EPC1: variants seen among roughly 807,000 people sequenced by gnomAD.
EPC1 encodes enhancer of polycomb 1.
EPC1 carries 12 observed loss-of-function variants against 98.4 expected under a neutral mutation model. The observed-to-expected ratio is 0.12, with a 90% CI of 0.08 to 0.20. EPC1 has a LOEUF of 0.20. Among genes scored for constraint, EPC1 ranks in the 10% least tolerant of loss-of-function variants. EPC1 has a pLI of 1.00. For synonymous variants in EPC1, 357 were observed against 363.9 expected, an observed-to-expected ratio of 0.98 and a Z score of 0.21; for missense variants, 729 against 990.5, an observed-to-expected ratio of 0.74 and a Z score of 3.54.
intron 4 of EPC1, 36 bp from the exon 5 acceptor site, chr10:32,292,680 G>T: frequency 6.3e-7 from 1 of 1,578,590 alleles, no homozygotes; most frequent in Non-Finnish European, 8.6e-7. Flanking sequence ...ATGTTAGTAA[G>T]TATTTCTAAC....
chr10:32,338,607 C>T (rs1019586900), intron 1 of EPC1, among the ~76,000 whole-genome samples: 1 of 152,104 alleles, frequency 6.6e-6, no homozygotes, highest in Non-Finnish European at 1.5e-5. Context: ...AGTACAATGG[C>T]CTCCTGTTTC....
chr10:32,351,392 C>A (rs1429841075), upstream of EPC1, among the ~76,000 whole-genome samples: 2 of 152,156 alleles, frequency 1.3e-5, no homozygotes, highest in African/African-American at 4.8e-5. Context: ...TGCGGTGGCT[C>A]ATGCCTGTAA....
At chr10:32,327,698 T>C (rs897723920) in intron 1 of EPC1, among the ~76,000 whole-genome samples, 1 of 152,110 alleles carries the variant, frequency 6.6e-6, no homozygotes, top group African/African-American at 2.4e-5. Flanking sequence ...CTATATGGTA[T>C]AGCTTACAGA....
chr10:32,340,035 G>T (rs1353502483), intron 1 of EPC1, among the ~76,000 whole-genome samples: 1 of 152,154 alleles, frequency 6.6e-6, no homozygotes, highest in African/African-American at 2.4e-5. Context: ...CTCAGGTCAT[G>T]TTTGCCCCTA....
intron 2 of EPC1, among the ~76,000 whole-genome samples, chr10:32,293,980 C>T (rs1254889793): frequency 6.6e-6 from 1 of 152,116 alleles, no homozygotes; most frequent in Non-Finnish European, 1.5e-5. Context: ...ATGCGACACC[C>T]TCCAACCACT....
intron 1 of EPC1, among the ~76,000 whole-genome samples, chr10:32,317,257 A>C (rs1337179424): frequency 6.6e-6 from 1 of 152,244 alleles, no homozygotes; most frequent in Non-Finnish European, 1.5e-5. Flanking sequence ...ATAAATACTT[A>C]TTTAATAAAT....
chr10:32,275,564 A>G (rs1836039512), intron 10 of EPC1, among the ~76,000 whole-genome samples: 1 of 151,604 alleles, frequency 6.6e-6, no homozygotes, highest in African/African-American at 2.4e-5. Flanking sequence ...CAGGAGATTG[A>G]GACCATCCTG....
chr10:32,296,627 G>C (rs751507214), intron 2 of EPC1, among the ~76,000 whole-genome samples: 1 of 151,950 alleles, frequency 6.6e-6, no homozygotes, highest in Non-Finnish European at 1.5e-5. Flanking sequence ...TCTTAAACAG[G>C]GGCCAGGCGT....
chr10:32,329,029 G>A (rs1160443326), intron 1 of EPC1, among the ~76,000 whole-genome samples: 14 of 152,354 alleles, frequency 9.2e-5, no homozygotes, highest in African/African-American at 3.1e-4. Flanking sequence ...TTTTCTCTGT[G>A]AGAAGAAGGG....
upstream of EPC1, among the ~76,000 whole-genome samples, chr10:32,348,408 G>C (rs562259871): frequency 6.6e-6 from 1 of 152,056 alleles, no homozygotes. Context: ...AAAATGTTTT[G>C]AGTTGCTTTT....
At chr10:32,276,852 TG>T (rs1207377009) in intron 10 of EPC1, among the ~76,000 whole-genome samples, 1 of 152,216 alleles carries the variant, frequency 6.6e-6, no homozygotes, top group Non-Finnish European at 1.5e-5. Flanking sequence ...GTCTACCTCC[TG>T]ATATGGTATG....
chr10:32,371,137 C>G (rs1487819678), intron 1 of EPC1, among the ~76,000 whole-genome samples: 1 of 152,202 alleles, frequency 6.6e-6, no homozygotes, highest in Non-Finnish European at 1.5e-5. Flanking sequence ...CTAAAAATTT[C>G]TGAAGTCTCA....
intron 1 of EPC1, among the ~76,000 whole-genome samples, chr10:32,333,657 T>C (rs1276887131): frequency 1.3e-5 from 2 of 152,172 alleles, no homozygotes; most frequent in Admixed American, 6.5e-5. Flanking sequence ...AATCTTCTGT[T>C]AAGAGCTCAG....
At chr10:32,372,104 C>T (rs933585705) in intron 1 of EPC1, among the ~76,000 whole-genome samples, 1 of 152,166 alleles carries the variant, frequency 6.6e-6, no homozygotes, top group Non-Finnish European at 1.5e-5. Context: ...CTCTGATACT[C>T]TAGAGCAGTG....
At chr10:32,313,825 G>A (rs1482091284) in intron 1 of EPC1, among the ~76,000 whole-genome samples, 1 of 152,104 alleles carries the variant, frequency 6.6e-6, no homozygotes, top group Non-Finnish European at 1.5e-5. Flanking sequence ...GGCGGAGGCT[G>A]CAGTGAGCTG....
intron 1 of EPC1, among the ~76,000 whole-genome samples, chr10:32,313,322 C>T (rs564129905): frequency 6.6e-6 from 1 of 152,250 alleles, no homozygotes; most frequent in Admixed American, 6.5e-5. Context: ...TTACTGAGTG[C>T]TAACCATTAT....
At chr10:32,377,396 C>T (rs1378059530) in intron 1 of EPC1, 1 of 152,026 alleles carries the variant, frequency 6.6e-6, no homozygotes, top group Admixed American at 6.5e-5. Flanking sequence ...AATACACTAA[C>T]ACATATAATT....
intron 1 of EPC1, among the ~76,000 whole-genome samples, chr10:32,338,951 A>T (rs1359295166): frequency 0.014 from 2,003 of 142,238 alleles, 44 homozygotes; most frequent in African/African-American, 0.046. Flanking sequence ...AAAAATAAAT[A>T]AATAAATAAA....
chr10:32,354,557 G>C (rs2133088813), intron 1 of EPC1, among the ~76,000 whole-genome samples: 1 of 152,126 alleles, frequency 6.6e-6, no homozygotes, highest in South Asian at 2.1e-4. Flanking sequence ...ATACATTTTA[G>C]ATTTTCTATG....
Sources: gnomAD v4.1 joint callset for allele counts (sites outside exome capture counted in the v4.1 genomes callset) on GRCh38, gnomAD v4.1.1 for gene constraint, MANE v1.5 for transcripts, NCBI Gene and HGNC (gene_info 2026-07-23, HGNC 2026-07-21) for gene names.